NPY: variants seen among roughly 807,000 people sequenced by gnomAD.
NPY encodes pro-neuropeptide Y.
NPY carries 11 observed loss-of-function variants against 13.2 expected under a neutral mutation model. That is an observed-to-expected ratio of 0.83 (90% CI 0.52 to 1.38). The LOEUF (loss-of-function observed/expected upper bound fraction) is 1.38. Ranked by LOEUF, NPY falls within the 40% of genes most tolerant of loss-of-function variation. NPY has a pLI of 0.00. For synonymous variants in NPY, 51 were observed against 55.6 expected (o/e 0.92, Z 0.37); for missense variants, 109 against 125.1 (o/e 0.87, Z 0.61).
chr7:24,284,206 C>G lies in NPY; in HGVS notation c.-70C>G, dbSNP rs1258223657. Reference sequence around the variant, plus strand: ...GCTCTCTGCACCCCATCCGCTGGCTCTCACCCCTCGGAGACGCTCGCCCGA... The same window carrying G: ...GCTCTCTGCACCCCATCCGCTGGCTGTCACCCCTCGGAGACGCTCGCCCGA... On this transcript the variant is annotated 5_prime_UTR_variant, in exon 1 of 4. Transcript: ENST00000242152. 6 of 152,874 alleles carry G rather than the reference C, an allele frequency of 3.9e-5. 1 individual carries two copies. The highest frequency in any genetic ancestry group is 2.9e-5 in the Non-Finnish European group (2 of 68,580). 9.5% of individuals were successfully genotyped at this position (152,874 alleles called of 1,614,324 possible).
At position 24,285,475 on chromosome 7, in the gene NPY, A is replaced by G; in HGVS notation, c.188+47A>G. On this transcript the variant is annotated intron_variant, in intron 2 of 3. Coordinates refer to ENST00000242152, the MANE Select transcript of NPY (RefSeq NM_000905.4). The surrounding 1 kb of genome is among the most constrained non-coding windows in gnomAD (Gnocchi z 4.9). ...ATTCCGGGAGCGCCAGTGCCTGCAC[A>G]CCAGGAGATCCTGGGGATGTTAGGG... 2 of 1,567,952 alleles carry G rather than the reference A, an allele frequency of 1.3e-6. No individual in the cohort carries two copies. The highest frequency in any genetic ancestry group is 1.7e-6 in the Non-Finnish European group (2 of 1,145,266).
Position 24,291,834 on chromosome 7 carries a change from T to G in NPY, c.*147T>G. On this transcript the variant is annotated 3_prime_UTR_variant, in exon 4 of 4. Transcript: ENST00000242152. The stretch of plus-strand genomic sequence containing the variant: ...CCTTTGTCATCATTGTATATATGTG[T>G]GTTTAAATAAAGTATCATGCATTCA... The G allele has an allele frequency of 1.3e-6, 1 of 786,630 alleles. No individual in the cohort carries two copies. Among genetic ancestry groups the G allele is most frequent in the Non-Finnish European group, 2.0e-6 (1 of 488,570 alleles). 48.7% of individuals were successfully genotyped at this position (786,630 alleles called of 1,614,324 possible). A position where few individuals can be genotyped will look rare whatever the true frequency, so the allele number is the denominator to read the frequency against.
Position 24,285,168 on chromosome 7 carries a change from G to T in NPY, c.1-73G>T. ...GGTAGCAGGAGGAGGAGCGCGGGGG[G>T]CAGAGGAGGGAGGTGCTGCGCGTGG... On this transcript the variant is annotated intron_variant, in intron 1 of 3. Transcript: ENST00000242152. This position sits in a 1 kb window ranked among gnomAD's most constrained non-coding sequence, Gnocchi z 4.9. 1.3e-6 allele frequency: 2 copies of T among 1,484,554 alleles called. No individual in the cohort carries two copies. The highest frequency in any genetic ancestry group is 1.9e-6 in the Non-Finnish European group (2 of 1,068,090). 92.0% of individuals were successfully genotyped at this position (1,484,554 alleles called of 1,614,324 possible).
In NPY at chr7:24,285,507, ATTGT is replaced by A; in HGVS notation, c.188+82_188+85del. 2 of 1,431,352 alleles carry A rather than the reference ATTGT, an allele frequency of 1.4e-6. No homozygotes were observed. Among genetic ancestry groups the A allele is most frequent in the Non-Finnish European group, 1.9e-6 (2 of 1,045,528 alleles). 88.7% of individuals were successfully genotyped at this position (1,431,352 alleles called of 1,614,324 possible). The stretch of plus-strand genomic sequence containing the variant: ...GATCCTGGGGATGTTAGGGAAAGGG[ATTGT>A]TTCTTTTCCTTCGCTCTATCCCAGG... On this transcript the variant is annotated intron_variant, in intron 2 of 3. Coordinates refer to ENST00000242152, the MANE Select transcript of NPY (RefSeq NM_000905.4). This position sits in a 1 kb window ranked among gnomAD's most constrained non-coding sequence, Gnocchi z 4.9.
At position 24,285,695 on chromosome 7, in the gene NPY, C is replaced by A. The variant is rs561816063; in HGVS notation, c.188+267C>A. Among the ~76,000 whole-genome samples, 27 of 152,248 alleles carry A rather than the reference C, an allele frequency of 1.8e-4. No individual in the cohort carries two copies. In the East Asian group the frequency reaches 5.2e-3, roughly 29 times the overall value. ...CTGGTAGGCTGGCAATCTCCTCTCACTCACCTCTTATGGTTTGTTGTGGTT... is the reference window on the plus strand; with the variant it reads ...CTGGTAGGCTGGCAATCTCCTCTCAATCACCTCTTATGGTTTGTTGTGGTT... On this transcript the variant is annotated intron_variant, in intron 2 of 3. Transcript: ENST00000242152. The surrounding 1 kb of genome is among the most constrained non-coding windows in gnomAD (Gnocchi z 4.9).
chr7:24,289,457 T>C (rs754735118), intron 2 of NPY, 42 bp from the exon 3 acceptor site: 2 of 1,393,006 alleles, frequency 1.4e-6, no homozygotes, highest in Non-Finnish European at 2.0e-6. Flanking sequence ...AAGGTTTTTA[T>C]GCCTATTCCA....
At chr7:24,290,772 A>ATTATTATT (rs1554351538) in intron 3 of NPY, among the ~76,000 whole-genome samples, 6 of 9,498 alleles carry the variant, frequency 6.3e-4, no homozygotes, top group African/African-American at 2.3e-3. Context: ...TAATAATAAT[A>ATTATTATT]ATAATTATTA....
chr7:24,288,754 G>A (rs537870855), intron 2 of NPY, among the ~76,000 whole-genome samples: 1 of 151,512 alleles, frequency 6.6e-6, no homozygotes, highest in East Asian at 1.9e-4. Context: ...CTTACAGGGA[G>A]GCTAAAATCA....
intron 3 of NPY, among the ~76,000 whole-genome samples, chr7:24,290,775 A>AATAATTATTATT (rs10701264): frequency 0.046 from 5,949 of 129,564 alleles, 179 homozygotes; most frequent in Non-Finnish European, 0.051. Context: ...TAATAATAAT[A>AATAATTATTATT]ATTATTATTA....
At chr7:24,289,218 TAAG>T (rs1460686817) in intron 2 of NPY, among the ~76,000 whole-genome samples, 2 of 152,206 alleles carry the variant, frequency 1.3e-5, no homozygotes, top group Admixed American at 1.3e-4. Context: ...TGTGGTTGTT[TAAG>T]AAGGCAGGAA....
chr7:24,285,163 G>A lies in NPY; in HGVS notation c.1-78G>A, dbSNP rs1213364463. 7 of 1,456,642 alleles carry A rather than the reference G, an allele frequency of 4.8e-6. No homozygotes were observed. The highest frequency in any genetic ancestry group is 2.4e-5 in the South Asian group (2 of 84,550). The allele number at this position is 1,456,642 out of a possible 1,614,324, so 90.2% of individuals were successfully genotyped here. On this transcript the variant is annotated intron_variant, in intron 1 of 3. Transcript: ENST00000242152. The surrounding 1 kb of genome is among the most constrained non-coding windows in gnomAD (Gnocchi z 4.9). ...CGTGTGGTAGCAGGAGGAGGAGCGC[G>A]GGGGGCAGAGGAGGGAGGTGCTGCG...
rs1441700068 is a variant in NPY, at chr7:24,291,660, C to T, written c.270-3C>T. The T allele has an allele frequency of 6.2e-7, 1 of 1,614,044 alleles. No homozygotes were observed. The highest frequency in any genetic ancestry group is 8.5e-7 in the Non-Finnish European group (1 of 1,179,964). On this transcript the variant is annotated splice_region_variant and splice_polypyrimidine_tract_variant and intron_variant, in intron 3 of 3. Transcript: ENST00000242152. ...TACATGCTTTGCTTCTTATGTTTTA[C>T]AGGCTTGAAGACCCTGCAATGTGGT...
chr7:24,284,981 G>A (rs1047978958), intron 1 of NPY: 3 of 555,720 alleles, frequency 5.4e-6, no homozygotes, highest in African/African-American at 1.9e-5. Flanking sequence ...CTCGCCGCGC[G>A]CTTCTTGGTC....
chr7:24,285,442 CG>C lies in NPY; in HGVS notation c.188+17del, dbSNP rs1190132154. 1.4e-5 allele frequency: 22 copies of C among 1,604,490 alleles called. No individual in the cohort carries two copies. The Admixed American group carries it at 3.3e-4, about 24-fold the overall frequency. ...CACCAGGCAGAGGTGGGTGGGACCG[CG>C]GGACCGATTCCGGGAGCGCCAGTGC... On this transcript the variant is annotated intron_variant, in intron 2 of 3. Transcript: ENST00000242152. The surrounding 1 kb of genome is among the most constrained non-coding windows in gnomAD (Gnocchi z 4.9).
chr7:24,290,978 TG>T (rs1787580512), intron 3 of NPY, among the ~76,000 whole-genome samples: 1 of 152,006 alleles, frequency 6.6e-6, no homozygotes, highest in Non-Finnish European at 1.5e-5. Context: ...TGTCTTTCCA[TG>T]TTTCACTGAC....
chr7:24,291,030 C>T (rs1787582153), intron 3 of NPY, among the ~76,000 whole-genome samples: 1 of 152,020 alleles, frequency 6.6e-6, no homozygotes, highest in South Asian at 2.1e-4. Flanking sequence ...TTAGGGTAGA[C>T]TATATCGACT....
At position 24,289,496 on chromosome 7, in the gene NPY, C is replaced by A; in HGVS notation, c.189-3C>A. The stretch of plus-strand genomic sequence containing the variant: ...TTGCTTTAAAAGACTTTTTTTTTTC[C>A]AGATATGGAAAACGATCCAGCCCAG... On this transcript the variant is annotated splice_polypyrimidine_tract_variant and splice_region_variant and intron_variant, in intron 2 of 3. Transcript: ENST00000242152. 1 of 1,575,100 alleles carries A rather than the reference C, an allele frequency of 6.3e-7. No individual in the cohort carries two copies. Among genetic ancestry groups the A allele is most frequent in the Admixed American group, 1.9e-5 (1 of 52,512 alleles).
In NPY at chr7:24,291,841, A is replaced by G. The variant is rs1424874593; in HGVS notation, c.*154A>G. The G allele has an allele frequency of 7.0e-6, 5 of 719,148 alleles. No homozygotes were observed. The East Asian group carries it at 1.3e-4, about 19-fold the overall frequency. 44.5% of individuals were successfully genotyped at this position (719,148 alleles called of 1,614,324 possible). On this transcript the variant is annotated 3_prime_UTR_variant, in exon 4 of 4. Coordinates refer to ENST00000242152, the MANE Select transcript of NPY (RefSeq NM_000905.4). ...CATCATTGTATATATGTGTGTTTAAATAAAGTATCATGCATTCAAAAGTGT... is the reference window on the plus strand; with the variant it reads ...CATCATTGTATATATGTGTGTTTAAGTAAAGTATCATGCATTCAAAAGTGT...
In NPY at chr7:24,285,148, C is replaced by G; in HGVS notation, c.1-93C>G. Reference sequence around the variant, plus strand: ...GCGGATTGGGGGTCGCGTGTGGTAGCAGGAGGAGGAGCGCGGGGGGCAGAG... The same window carrying G: ...GCGGATTGGGGGTCGCGTGTGGTAGGAGGAGGAGGAGCGCGGGGGGCAGAG... On this transcript the variant is annotated intron_variant, in intron 1 of 3. Coordinates refer to ENST00000242152, the MANE Select transcript of NPY (RefSeq NM_000905.4). The surrounding 1 kb of genome is among the most constrained non-coding windows in gnomAD (Gnocchi z 4.9). 7.6e-7 allele frequency: 1 copy of G among 1,318,012 alleles called. No individual in the cohort carries two copies. The highest frequency in any genetic ancestry group is 1.1e-6 in the Non-Finnish European group (1 of 924,924). 81.6% of individuals were successfully genotyped at this position (1,318,012 alleles called of 1,614,324 possible).
Sources: allele counts gnomAD v4.1 joint callset (sites outside exome capture counted in the v4.1 genomes callset), GRCh38; gene constraint gnomAD v4.1.1; non-coding constraint Gnocchi (gnomAD v3.1); transcripts MANE v1.5; gene names NCBI Gene and HGNC (gene_info 2026-07-23, HGNC 2026-07-21).